Variants in BTD observed in about 807,000 individuals in gnomAD.
BTD encodes biotinidase.
Under a neutral mutation model 17.7 loss-of-function variants are expected in BTD, and 13 were observed. The ratio of observed to expected loss-of-function variants is 0.74; its 90% CI spans 0.48 to 1.17. The LOEUF is 1.17. BTD is among the 50% of genes most tolerant of loss of function. The pLI, the probability that BTD is intolerant of heterozygous loss-of-function variation, is 0.00. For missense variants in BTD, 674 were observed against 650.4 expected, an observed-to-expected ratio of 1.04 and a Z score of -0.39; for synonymous variants, 240 against 245.2, an observed-to-expected ratio of 0.98 and a Z score of 0.20.
At chr3:15,626,840 A>G (rs1457984949) in intron 1 of BTD, among the ~76,000 whole-genome samples, 2 of 151,888 alleles carry the variant, frequency 1.3e-5, no homozygotes, top group African/African-American at 4.8e-5. Flanking sequence ...GGAGCTAGTC[A>G]TATGTCTGTC....
At chr3:15,678,792 G>C (rs2067222526) in intron 3 of BTD, among the ~76,000 whole-genome samples, 1 of 152,096 alleles carries the variant, frequency 6.6e-6, no homozygotes, top group Non-Finnish European at 1.5e-5. Context: ...TGTTAAAATA[G>C]TTTAAAGGAG....
At position 15,626,115 on chromosome 3, in the gene BTD, C is replaced by A. The variant is rs527967802; in HGVS notation, c.-16-9309C>A. The stretch of plus-strand genomic sequence containing the variant: ...TTTTCTAACATTTGATATTCAACTT[C>A]TGATTTTGAGTTTATTTTTGTGTAT... On this transcript the variant is annotated intron_variant, in intron 1 of 3. Coordinates refer to ENST00000643237, the MANE Select transcript of BTD (RefSeq NM_001370658.1). Among the ~76,000 whole-genome samples, 73 of 152,264 alleles carry A rather than the reference C, an allele frequency of 4.8e-4. No homozygotes were observed. In the South Asian group the frequency reaches 0.015, roughly 31 times the overall value.
intron 3 of BTD, among the ~76,000 whole-genome samples, chr3:15,680,634 G>A (rs990651348): frequency 6.6e-6 from 1 of 151,964 alleles, no homozygotes; most frequent in Admixed American, 6.6e-5. Context: ...TATCAACAAC[G>A]CTGTAATGAA....
chr3:15,667,012 A>C (rs891071770), intron 3 of BTD, among the ~76,000 whole-genome samples: 5 of 152,232 alleles, frequency 3.3e-5, no homozygotes, highest in Admixed American at 6.5e-5. Context: ...ACAAGATCAC[A>C]ATTTCTTGGT....
intron 2 of BTD, among the ~76,000 whole-genome samples, chr3:15,639,527 C>T (rs891404760): frequency 2.0e-5 from 3 of 152,014 alleles, no homozygotes; most frequent in African/African-American, 7.2e-5. Context: ...TGGGTAATGT[C>T]CTATAGGGCA....
At chr3:15,625,925 G>T (rs541299499) in intron 1 of BTD, among the ~76,000 whole-genome samples, 110 of 152,226 alleles carry the variant, frequency 7.2e-4, no homozygotes, top group African/African-American at 2.6e-3. Context: ...TTATTTTCTT[G>T]TTAAAATCTG....
In BTD at chr3:15,635,444, C is replaced by T. The variant is rs754794170; in HGVS notation, c.5C>T (p.Ser2Phe). The T allele has an allele frequency of 4.3e-6, 7 of 1,614,106 alleles. No individual in the cohort carries two copies. In the African/African-American group the frequency reaches 8.0e-5, roughly 18 times the overall value. M[S>F]GARSKLALFL... ...TCCAGATTTGTGGTCTGCATTATGT[C>T]TGGAGCCAGAAGTAAGCTTGCTCTT... The change falls in exon 2 of 4, where the codon TCT becomes TTT. Residue 2 changes from serine to phenylalanine, a missense_variant. By Grantham distance (155) the Ser-to-Phe change is radical. Coordinates refer to ENST00000643237, the MANE Select transcript of BTD (RefSeq NM_001370658.1). This position sits in a 1 kb window ranked among gnomAD's most constrained non-coding sequence, Gnocchi z 4.1.
chr3:15,707,798 A>T, intron 3 of BTD: 1 of 1,165,524 alleles, frequency 8.6e-7, no homozygotes, highest in Admixed American at 2.4e-5. Flanking sequence ...CCCAAAATAG[A>T]CTTAGGGCAA....
intron 3 of BTD, among the ~76,000 whole-genome samples, chr3:15,673,954 T>C (rs139488073): frequency 2.0e-3 from 310 of 151,750 alleles, no homozygotes; most frequent in African/African-American, 6.9e-3. Context: ...GGTGGGGGGA[T>C]TGCTTGAGGC....
At chr3:15,614,125 C>CTTTT (rs869148702) in intron 1 of BTD, among the ~76,000 whole-genome samples, 11 of 125,286 alleles carry the variant, frequency 8.8e-5, no homozygotes, top group South Asian at 2.4e-4. Flanking sequence ...TTCTTTCTTT[C>CTTTT]TTTTTTTTTT....
chr3:15,643,974 AT>A (rs2065613383), intron 3 of BTD, among the ~76,000 whole-genome samples: 1 of 17,508 alleles, frequency 5.7e-5, no homozygotes, highest in African/African-American at 1.7e-4. Flanking sequence ...TATTTAATTT[AT>A]TTATTTATTT....
intron 3 of BTD, chr3:15,670,389 A>G (rs1020860812): frequency 1.2e-6 from 2 of 1,613,966 alleles, no homozygotes; most frequent in Non-Finnish European, 1.7e-6. Context: ...ATGATGGGCA[A>G]AGCTTCAAAG....
exon 4 of BTD, among the ~76,000 whole-genome samples, chr3:15,711,963 T>C (rs113150659): frequency 0.023 from 3,474 of 152,204 alleles, 139 homozygotes; most frequent in African/African-American, 0.079. Flanking sequence ...CCCAAAGTGC[T>C]GGGATTACAG....
rs971276227 is a variant in BTD at position 15,711,088 on chromosome 3, A to T, written c.*1014A>T. 37 of 813,062 alleles carry T rather than the reference A, an allele frequency of 4.6e-5. No individual in the cohort carries two copies. In the South Asian group the frequency reaches 5.6e-4, roughly 12 times the overall value. The allele number at this position is 813,062 out of a possible 1,614,324, so 50.4% of individuals were successfully genotyped here. On this transcript the variant is annotated 3_prime_UTR_variant, in exon 4 of 4. Coordinates refer to the BTD transcript ENST00000672141. ...GCCACCCTGGACTTTTTTTTCCCAA[A>T]CAACTCCTGTTTTGTTTTCTATTTT...
At chr3:15,676,874 T>G in intron 3 of BTD, 1 of 914,158 alleles carries the variant, frequency 1.1e-6, no homozygotes, top group South Asian at 1.7e-5. Context: ...CTTCTATGAC[T>G]AATGAAACCT....
intron 3 of BTD, among the ~76,000 whole-genome samples, chr3:15,679,135 CTTTTTTT>C (rs71809219): frequency 6.9e-6 from 1 of 143,982 alleles, no homozygotes; most frequent in Admixed American, 7.0e-5. Context: ...TCATCATGCA[CTTTTTTT>C]TTTTTTGGTA....
intron 1 of BTD, among the ~76,000 whole-genome samples, chr3:15,627,624 G>T (rs771327224): frequency 6.6e-6 from 1 of 152,166 alleles, no homozygotes; most frequent in Non-Finnish European, 1.5e-5. Context: ...CAGCACTGTG[G>T]TTTACTTTAG....
intron 1 of BTD, among the ~76,000 whole-genome samples, chr3:15,613,832 G>A (rs1379429606): frequency 1.3e-5 from 2 of 151,998 alleles, no homozygotes; most frequent in Non-Finnish European, 2.9e-5. Flanking sequence ...TTTTTTCTTA[G>A]CACATTTAAG....
chr3:15,689,132 A>G (rs1167073937), intron 3 of BTD, among the ~76,000 whole-genome samples: 1 of 152,222 alleles, frequency 6.6e-6, no homozygotes, highest in South Asian at 2.1e-4. Flanking sequence ...AAATTTCCCC[A>G]GACAGTTGTA....
Sources: allele counts gnomAD v4.1 joint callset (sites outside exome capture counted in the v4.1 genomes callset), GRCh38; gene constraint gnomAD v4.1.1; non-coding constraint Gnocchi (gnomAD v3.1); transcripts MANE v1.5; gene names NCBI Gene and HGNC (gene_info 2026-07-23, HGNC 2026-07-21).